The following TMEM132B variants were observed in gnomAD, a reference collection of about 807,000 sequenced individuals.
The protein encoded by TMEM132B is transmembrane protein 132B.
Under a neutral mutation model 90.8 loss-of-function variants are expected in TMEM132B, and 18 were observed. The observed-to-expected ratio is 0.20, with a 90% CI of 0.14 to 0.29. The LOEUF (loss-of-function observed/expected upper bound fraction) is 0.29, where lower values mean the gene tolerates loss of function less well. TMEM132B is among the 10% of genes least tolerant of loss of function. The pLI, the probability that TMEM132B is intolerant of heterozygous loss-of-function variation, is 1.00. For synonymous variants in TMEM132B, 504 were observed against 523.3 expected (o/e 0.96, Z 0.50); for missense variants, 1,096 against 1,326.8 (o/e 0.83, Z 2.70).
intron 2 of TMEM132B, among the ~76,000 whole-genome samples, chr12:125,404,265 T>C (rs925750492): frequency 1.3e-4 from 20 of 152,134 alleles, no homozygotes; most frequent in Admixed American, 7.2e-4. Context: ...CCCAAAGGAT[T>C]GAGGGCTGGA....
intron 2 of TMEM132B, among the ~76,000 whole-genome samples, chr12:125,360,244 T>C (rs1877917513): frequency 6.6e-6 from 1 of 152,170 alleles, no homozygotes; most frequent in African/African-American, 2.4e-5. Flanking sequence ...ACTTTAATAA[T>C]CTATAACCCG....
intron 2 of TMEM132B, among the ~76,000 whole-genome samples, chr12:125,372,094 C>T (rs1388487686): frequency 3.3e-5 from 5 of 152,168 alleles, no homozygotes; most frequent in Admixed American, 2.6e-4. Context: ...GGTCTAAATC[C>T]ACAACACTTT....
intron 5 of TMEM132B, among the ~76,000 whole-genome samples, chr12:125,610,338 G>A (rs1178726243): frequency 2.0e-5 from 3 of 152,112 alleles, no homozygotes; most frequent in Non-Finnish European, 2.9e-5. Flanking sequence ...TAAGATCGTC[G>A]TTAGTGACAA....
intron 1 of TMEM132B, among the ~76,000 whole-genome samples, chr12:125,205,857 A>C (rs762009966): frequency 1.3e-5 from 2 of 152,248 alleles, no homozygotes; most frequent in African/African-American, 2.4e-5. Context: ...CTTTGATCAG[A>C]GGAACGTCAA....
chr12:125,508,814 T>C (rs973854760), intron 3 of TMEM132B, among the ~76,000 whole-genome samples: 1 of 150,732 alleles, frequency 6.6e-6, no homozygotes, highest in African/African-American at 2.4e-5. Context: ...AGTCTCACTC[T>C]GTCGCCCAGC....
chr12:125,243,784 A>C (rs1874144813), intron 1 of TMEM132B, among the ~76,000 whole-genome samples: 1 of 152,038 alleles, frequency 6.6e-6, no homozygotes, highest in Non-Finnish European at 1.5e-5. Context: ...TTTAGCTCCC[A>C]CTTGTAAGTG....
intron 1 of TMEM132B, among the ~76,000 whole-genome samples, chr12:125,269,215 T>C (rs1440901639): frequency 6.6e-6 from 1 of 152,184 alleles, no homozygotes; most frequent in Non-Finnish European, 1.5e-5. Context: ...ACCTGAGCAT[T>C]GCCAGTGACT....
At position 125,364,511 on chromosome 12, in the gene TMEM132B, G is replaced by A. The variant is rs1365134097; in HGVS notation, c.959+14168G>A. Reference sequence around the variant, plus strand: ...ACATTTGTTCACTTCCTTATAAATAGCTTAGTATGTACATTATTAGCTAGG... The same window carrying A: ...ACATTTGTTCACTTCCTTATAAATAACTTAGTATGTACATTATTAGCTAGG... On this transcript the variant is annotated intron_variant, in intron 2 of 8. Transcript: ENST00000682704. Among the ~76,000 whole-genome samples, 4 of 152,064 alleles carry A rather than the reference G, an allele frequency of 2.6e-5. No individual in the cohort carries two copies. In the South Asian group the frequency reaches 6.2e-4, roughly 24 times the overall value.
At chr12:125,367,690 C>T (rs1878175319) in intron 2 of TMEM132B, among the ~76,000 whole-genome samples, 1 of 152,274 alleles carries the variant, frequency 6.6e-6, no homozygotes, top group Admixed American at 6.5e-5. Context: ...GTGGGTCTTC[C>T]TCTGAGTATG....
chr12:125,623,706 T>G (rs1004938215), intron 5 of TMEM132B, among the ~76,000 whole-genome samples: 1 of 152,230 alleles, frequency 6.6e-6, no homozygotes, highest in African/African-American at 2.4e-5. Context: ...TACAATATTT[T>G]GCAGATGAGT....
intron 4 of TMEM132B, among the ~76,000 whole-genome samples, chr12:125,521,332 T>A (rs1462269323): frequency 6.6e-6 from 1 of 152,126 alleles, no homozygotes; most frequent in East Asian, 1.9e-4. Flanking sequence ...CTTCTCCTTT[T>A]CCTTATTCCA....
At chr12:125,529,579 CG>C (rs1883589518) in intron 4 of TMEM132B, among the ~76,000 whole-genome samples, 1 of 152,118 alleles carries the variant, frequency 6.6e-6, no homozygotes, top group Admixed American at 6.5e-5. Context: ...GGGATTCAGA[CG>C]GGGGTAGCCT....
chr12:125,405,925 C>A (rs1025403532), intron 2 of TMEM132B, among the ~76,000 whole-genome samples: 1 of 152,204 alleles, frequency 6.6e-6, no homozygotes. Context: ...TGGCATCTTG[C>A]AGCCATCAGA....
In TMEM132B at chr12:125,650,779, G is replaced by A; in HGVS notation, c.1740G>A (p.Gln580=). Residue 580 remains glutamine (Q), a synonymous_variant, in exon 7 of 9, where the codon CAG becomes CAA. Transcript: ENST00000682704. The part of the protein sequence containing the change: ...YQHATVRVLT[Q]FVAESPDLGQ... ...ACGCCACAGTGCGTGTCCTCACCCA[G>A]TTTGTGGCCGAGTCACCTGACTTAG... The A allele has an allele frequency of 6.2e-7, 1 of 1,614,228 alleles. No individual in the cohort carries two copies. Among genetic ancestry groups the A allele is most frequent in the Non-Finnish European group, 8.5e-7 (1 of 1,180,030 alleles).
intron 2 of TMEM132B, among the ~76,000 whole-genome samples, chr12:125,350,884 C>G (rs1296509905): frequency 1.3e-5 from 2 of 152,206 alleles, no homozygotes; most frequent in Non-Finnish European, 2.9e-5. Context: ...TTGGCTGGAA[C>G]AAACAGGAAA....
chr12:125,427,265 A>G (rs366660), intron 3 of TMEM132B, among the ~76,000 whole-genome samples: 39,894 of 152,122 alleles, frequency 0.26, 6,763 homozygotes, highest in Non-Finnish European at 0.38. Context: ...CTGATGCAAC[A>G]TTTATTGGGC....
Position 125,261,588 on chromosome 12 carries a change from G to A in TMEM132B, c.67+74722G>A, listed in dbSNP as rs115741499. ...ATTATCTGAAACTTATTAATATTCCGTGCTCCACAAGTGCAGAAAATTCAA... is the reference window on the plus strand; with the variant it reads ...ATTATCTGAAACTTATTAATATTCCATGCTCCACAAGTGCAGAAAATTCAA... On this transcript the variant is annotated intron_variant, in intron 1 of 8. Transcript: ENST00000682704. Among the ~76,000 whole-genome samples the A allele has an allele frequency of 3.9e-3, 592 of 152,190 alleles. 1 individual carries two copies. Among genetic ancestry groups the A allele is most frequent in the African/African-American group, 0.013 (555 of 41,510 alleles).
chr12:125,281,073 G>A (rs988767060), intron 1 of TMEM132B, among the ~76,000 whole-genome samples: 1 of 152,212 alleles, frequency 6.6e-6, no homozygotes, highest in Non-Finnish European at 1.5e-5. Flanking sequence ...GCCTTGGGGT[G>A]GAGAGGGGTG....
chr12:125,551,896 G>A lies in TMEM132B; in HGVS notation c.1294-31955G>A, dbSNP rs547527966. On this transcript the variant is annotated intron_variant, in intron 4 of 8. Coordinates refer to ENST00000682704, the MANE Select transcript of TMEM132B (RefSeq NM_001366854.1). ...TGGTCCTGGTGGCAACACAGGAGGA[G>A]GAGAAGCAGAAACACATGTGATCTC... 2.2e-4 allele frequency among the ~76,000 whole-genome samples: 34 copies of A among 152,238 alleles called. No individual in the cohort carries two copies. In the South Asian group the frequency reaches 6.8e-3, roughly 31 times the overall value.
Sources: gnomAD v4.1 joint callset for allele counts (sites outside exome capture counted in the v4.1 genomes callset) on GRCh38, gnomAD v4.1.1 for gene constraint, MANE v1.5 for transcripts, NCBI Gene and HGNC (gene_info 2026-07-23, HGNC 2026-07-21) for gene names.